Variants in TNR observed in about 807,000 individuals in gnomAD.
The protein encoded by TNR is tenascin-R.
Under a neutral mutation model 150.4 loss-of-function variants are expected in TNR, and 45 were observed. The ratio of observed to expected loss-of-function variants is 0.30; its 90% CI spans 0.24 to 0.38. The LOEUF is 0.38. Ranked by LOEUF, TNR falls within the 10% of genes least tolerant of loss-of-function variation. The pLI, the probability that TNR is intolerant of heterozygous loss-of-function variation, is 1.00. For missense variants in TNR, 1,544 were observed against 1,759.1 expected (o/e 0.88, Z 2.19); for synonymous variants, 687 against 678.4 (o/e 1.01, Z -0.20).
chr1:175,450,542 T>C (rs1169122220), intron 2 of TNR, among the ~76,000 whole-genome samples: 3 of 152,220 alleles, frequency 2.0e-5, no homozygotes, highest in African/African-American at 7.2e-5. Flanking sequence ...ATAACATGTA[T>C]CACACCAGAG....
rs144742450 is a variant in TNR, at chr1:175,386,081, G to A, written c.1728C>T (p.Ala576=). ...AATCGCTCTCGTTGGTCCCTCGGACGGCACTGACTGACACCTCGTATCGGG... is the reference window on the plus strand; with the variant it reads ...AATCGCTCTCGTTGGTCCCTCGGACAGCACTGACTGACACCTCGTATCGGG... ...PGSRYEVSVS[A]VRGTNESDSA... is the part of the protein sequence containing the mutation. The change falls in exon 8 of 23, where the codon GCC becomes GCT. Residue 576 remains alanine (A), a synonymous_variant. Coordinates refer to ENST00000367674, the MANE Select transcript of TNR (RefSeq NM_003285.3). The A allele has an allele frequency of 1.3e-4, 213 of 1,610,314 alleles. 1 individual carries two copies. In the East Asian group the frequency reaches 2.7e-3, roughly 20 times the overall value.
At chr1:175,706,397 C>A (rs1326756818) in intron 1 of TNR, among the ~76,000 whole-genome samples, 1 of 152,104 alleles carries the variant, frequency 6.6e-6, no homozygotes, top group Non-Finnish European at 1.5e-5. Flanking sequence ...TTGGGCACCA[C>A]CCATTGAGAA....
rs1235509835 is a variant in TNR at position 175,656,188 on chromosome 1, GTGTA to G, written c.-165+87034_-165+87037del. On this transcript the variant is annotated intron_variant, in intron 1 of 22. Transcript: ENST00000367674. ...TGTGTGTGTGTGTGTGTGTGTGTGT[GTGTA>G]TGTGGTCTACCTTTTTCTAATTTGC... Among the ~76,000 whole-genome samples the G allele has an allele frequency of 3.1e-3, 440 of 142,818 alleles. 1 individual carries two copies. The highest frequency in any genetic ancestry group is 4.2e-3 in the Non-Finnish European group (277 of 66,330). The allele number at this position is 142,818 out of a possible 152,430, so 93.7% of individuals were successfully genotyped here. A position where few individuals can be genotyped will look rare whatever the true frequency, so the allele number is the denominator to read the frequency against.
intron 2 of TNR, among the ~76,000 whole-genome samples, chr1:175,412,966 C>T (rs1265562578): frequency 1.3e-5 from 2 of 152,212 alleles, no homozygotes; most frequent in East Asian, 3.8e-4. Context: ...TCTACTGCCA[C>T]CTCCCATTCT....
At chr1:175,436,872 T>A (rs996994976) in intron 2 of TNR, among the ~76,000 whole-genome samples, 2 of 152,166 alleles carry the variant, frequency 1.3e-5, no homozygotes, top group African/African-American at 4.8e-5. Context: ...AGTACCCAGA[T>A]ACATAAAGCA....
chr1:175,517,041 GAGAGAGA>G (rs1659438276), intron 2 of TNR, among the ~76,000 whole-genome samples: 1 of 150,798 alleles, frequency 6.6e-6, no homozygotes, highest in African/African-American at 2.5e-5. Context: ...GAGAGAGAGA[GAGAGAGA>G]GAGAGAGAGA....
At chr1:175,619,567 C>A (rs1466718929) in intron 1 of TNR, among the ~76,000 whole-genome samples, 1 of 152,096 alleles carries the variant, frequency 6.6e-6, no homozygotes, top group Non-Finnish European at 1.5e-5. Context: ...TCGCTTTGGA[C>A]CTGAAAAAAG....
intron 14 of TNR, 152 bp from the exon 15 acceptor site, chr1:175,359,883 C>T: frequency 1.9e-6 from 2 of 1,028,374 alleles, no homozygotes; most frequent in Non-Finnish European, 2.7e-6. Context: ...TTCTCCTCTT[C>T]TGGTTCCATC....
In TNR at chr1:175,681,957, C is replaced by T. The variant is rs530935663; in HGVS notation, c.-165+61269G>A. On this transcript the variant is annotated intron_variant, in intron 1 of 22. Transcript: ENST00000367674. Reference sequence around the variant, plus strand: ...CCCCCGACCCCCAAGAAAGGAGCTGCGACTCATGCAGGAGACACAGCCAGC... The same window carrying T: ...CCCCCGACCCCCAAGAAAGGAGCTGTGACTCATGCAGGAGACACAGCCAGC... 3.7e-4 allele frequency among the ~76,000 whole-genome samples: 56 copies of T among 152,240 alleles called. 2 individuals are homozygous for T. Among genetic ancestry groups the T allele is most frequent in the Non-Finnish European group, 2.9e-4 (20 of 68,004 alleles).
intron 1 of TNR, among the ~76,000 whole-genome samples, chr1:175,703,798 T>C (rs1475298607): frequency 6.6e-6 from 1 of 152,128 alleles, no homozygotes; most frequent in Non-Finnish European, 1.5e-5. Flanking sequence ...AACCATCAGA[T>C]GGGCAGCAGT....
At chr1:175,360,773 G>A (rs531803454) in intron 14 of TNR, among the ~76,000 whole-genome samples, 1 of 152,242 alleles carries the variant, frequency 6.6e-6, no homozygotes, top group African/African-American at 2.4e-5. Context: ...TTCAAATGCA[G>A]CCCTTAGACT....
intron 2 of TNR, among the ~76,000 whole-genome samples, chr1:175,452,665 G>T (rs1169187491): frequency 2.6e-5 from 4 of 152,222 alleles, no homozygotes; most frequent in Non-Finnish European, 5.9e-5. Flanking sequence ...TGAGGGAAAA[G>T]AGTTTAAATT....
intron 1 of TNR, among the ~76,000 whole-genome samples, chr1:175,740,740 G>A (rs560391784): frequency 6.6e-6 from 1 of 152,144 alleles, no homozygotes; most frequent in African/African-American, 2.4e-5. Context: ...TCTATAGGTG[G>A]TCAGAGCCCA....
intron 1 of TNR, among the ~76,000 whole-genome samples, chr1:175,547,597 GAAAGAAAGAAAGAAACAAAGAAACAA>G (rs1557999370): frequency 1.1e-3 from 26 of 24,358 alleles, no homozygotes; most frequent in African/African-American, 2.0e-3. Context: ...AAGAAAGAAA[GAAAGAAAGAAAGAAACAAAGAAACAA>G]AGAAAGAAAG....
At chr1:175,682,569 T>C (rs1005295283) in intron 1 of TNR, among the ~76,000 whole-genome samples, 1 of 152,208 alleles carries the variant, frequency 6.6e-6, no homozygotes, top group Non-Finnish European at 1.5e-5. Flanking sequence ...TGGGATGGAA[T>C]GCTGGGCTCA....
At chr1:175,451,197 C>G (rs946860706) in intron 2 of TNR, among the ~76,000 whole-genome samples, 9 of 143,810 alleles carry the variant, frequency 6.3e-5, no homozygotes, top group Non-Finnish European at 1.3e-4. Flanking sequence ...CTCAAAGCAC[C>G]TGGTTAGTTT....
intron 2 of TNR, among the ~76,000 whole-genome samples, chr1:175,452,999 C>T (rs926954259): frequency 1.3e-5 from 2 of 151,228 alleles, no homozygotes; most frequent in Admixed American, 6.6e-5. Flanking sequence ...AGAGATGCAG[C>T]CAGCATGATG....
chr1:175,365,081 T>C lies in TNR; in HGVS notation c.2516A>G (p.Glu839Gly). 1.2e-6 allele frequency: 2 copies of C among 1,614,040 alleles called. No homozygotes were observed. The highest frequency in any genetic ancestry group is 1.1e-5 in the South Asian group (1 of 91,056). ...GACAGCCACAAGGTTCACAATATAC[T>C]CTGTGGCTGGTTGCAGGCCCATCAG... ...AVLMGLQPAT[E>G]YIVNLVAVHG... Residue 839 changes from glutamate to glycine, a missense_variant, in exon 12 of 23, where the codon GAG becomes GGG. Glu to Gly is a moderately conservative substitution (Grantham distance 98). Transcript: ENST00000367674.
At chr1:175,603,450 A>G (rs1350490951) in intron 1 of TNR, among the ~76,000 whole-genome samples, 1 of 152,234 alleles carries the variant, frequency 6.6e-6, no homozygotes, top group Admixed American at 6.5e-5. Flanking sequence ...GAGGGGACTA[A>G]TCCTTCCTTC....
Sources: gnomAD v4.1 joint callset for allele counts (sites outside exome capture counted in the v4.1 genomes callset) on GRCh38, gnomAD v4.1.1 for gene constraint, MANE v1.5 for transcripts, NCBI Gene and HGNC (gene_info 2026-07-23, HGNC 2026-07-21) for gene names.